Variants in RANBP3L observed in about 807,000 individuals in gnomAD.
RANBP3L encodes the protein ran-binding protein 3-like.
In RANBP3L, 56 loss-of-function variants were observed where a neutral mutation model predicts 67.2. That is an observed-to-expected ratio of 0.83 (90% CI 0.67 to 1.04). The LOEUF (loss-of-function observed/expected upper bound fraction) is 1.04. RANBP3L is among the 50% of genes least tolerant of loss of function. The pLI is 0.00. For synonymous variants in RANBP3L, 164 were observed against 181.4 expected, an observed-to-expected ratio of 0.90 and a Z score of 0.77; for missense variants, 496 against 535.5, an observed-to-expected ratio of 0.93 and a Z score of 0.73.
At chr5:36,276,591 T>C (rs987455997) in intron 1 of RANBP3L, among the ~76,000 whole-genome samples, 4 of 136,836 alleles carry the variant, frequency 2.9e-5, no homozygotes, top group African/African-American at 1.0e-4. Context: ...TACAATAAAC[T>C]TTTTTTTTCT....
intron 11 of RANBP3L, among the ~76,000 whole-genome samples, chr5:36,255,138 C>T (rs1017978501): frequency 6.6e-6 from 1 of 152,104 alleles, no homozygotes; most frequent in Admixed American, 6.6e-5. Flanking sequence ...AAGTGCTTTA[C>T]ATGCTTTATC....
chr5:36,292,083 G>C (rs556947059), intron 1 of RANBP3L, among the ~76,000 whole-genome samples: 1 of 148,206 alleles, frequency 6.7e-6, no homozygotes, highest in East Asian at 2.0e-4. Flanking sequence ...ACTTTTGAAT[G>C]ATTGCCATTC....
intron 1 of RANBP3L, among the ~76,000 whole-genome samples, chr5:36,277,906 A>G (rs1400052707): frequency 6.6e-6 from 1 of 152,172 alleles, no homozygotes; most frequent in Non-Finnish European, 1.5e-5. Flanking sequence ...CTCATCTTAC[A>G]TGCAGGCAGA....
intron 1 of RANBP3L, among the ~76,000 whole-genome samples, chr5:36,276,134 A>G (rs772354062): frequency 2.6e-5 from 4 of 152,206 alleles, no homozygotes; most frequent in Admixed American, 6.5e-5. Flanking sequence ...AAATAAAGGT[A>G]TAAGTAAGAT....
At position 36,249,606 on chromosome 5, in the gene RANBP3L, T is replaced by A. The variant is rs555273542; in HGVS notation, c.*48A>T. ...AGTTAGGGTGGTTTAGTATTTTCAGTAGGGTGACCCCTCTTTTTGTAGATG... is the reference window on the plus strand; with the variant it reads ...AGTTAGGGTGGTTTAGTATTTTCAGAAGGGTGACCCCTCTTTTTGTAGATG... On this transcript the variant is annotated 3_prime_UTR_variant, in exon 14 of 14. Coordinates refer to ENST00000296604, the MANE Select transcript of RANBP3L (RefSeq NM_145000.5). 9 of 1,023,532 alleles carry A rather than the reference T, an allele frequency of 8.8e-6. No individual in the cohort carries two copies. In the East Asian group the frequency reaches 2.3e-4, roughly 27 times the overall value. 63.4% of individuals were successfully genotyped at this position (1,023,532 alleles called of 1,614,324 possible).
chr5:36,280,689 G>T (rs73081952), intron 1 of RANBP3L, among the ~76,000 whole-genome samples: 2 of 152,102 alleles, frequency 1.3e-5, no homozygotes, highest in Admixed American at 1.3e-4. Flanking sequence ...TTTATTTGGG[G>T]GTGATCAGGG....
At position 36,293,934 on chromosome 5, in the gene RANBP3L, T is replaced by C. The variant is rs181017938; in HGVS notation, c.91+7392A>G. Among the ~76,000 whole-genome samples, 1,842 of 151,108 alleles carry C rather than the reference T, an allele frequency of 0.012. 158 individuals carry two copies. In the East Asian group the frequency reaches 0.23, roughly 18 times the overall value. On this transcript the variant is annotated intron_variant, in intron 1 of 13. Coordinates refer to ENST00000296604, the MANE Select transcript of RANBP3L (RefSeq NM_145000.5). ...GCCTCATAGAATGAGTTATGGAGGA[T>C]TCCCTCTTTTTCTATTGATTGGAAT...
intron 1 of RANBP3L, among the ~76,000 whole-genome samples, chr5:36,279,165 T>G (rs957841181): frequency 3.9e-5 from 6 of 152,132 alleles, no homozygotes; most frequent in Non-Finnish European, 8.8e-5. Context: ...CGATCTTGAT[T>G]TTTTAAAAAA....
At chr5:36,281,521 G>A (rs955106387) in intron 1 of RANBP3L, among the ~76,000 whole-genome samples, 2 of 152,064 alleles carry the variant, frequency 1.3e-5, no homozygotes, top group African/African-American at 4.8e-5. Flanking sequence ...TGAGTTAAAC[G>A]ACTATTTTAC....
intron 12 of RANBP3L, among the ~76,000 whole-genome samples, chr5:36,252,702 A>G (rs971855981): frequency 6.6e-5 from 10 of 152,082 alleles, no homozygotes; most frequent in African/African-American, 2.4e-5. Flanking sequence ...AGTCTCTGGC[A>G]TGCTACTTTA....
At chr5:36,257,429 G>A in intron 9 of RANBP3L, 25 bp downstream of exon 9, 1 of 1,147,818 alleles carries the variant, frequency 8.7e-7, no homozygotes, top group Non-Finnish European at 1.3e-6. Context: ...TGAATCTAAT[G>A]TTTTACAAAT....
At chr5:36,279,659 G>C (rs557701248) in intron 1 of RANBP3L, among the ~76,000 whole-genome samples, 1 of 152,218 alleles carries the variant, frequency 6.6e-6, no homozygotes, top group African/African-American at 2.4e-5. Flanking sequence ...AACCAATTTT[G>C]TGTTCAGATC....
At chr5:36,292,122 G>A (rs1329516192) in intron 1 of RANBP3L, among the ~76,000 whole-genome samples, 1 of 151,526 alleles carries the variant, frequency 6.6e-6, no homozygotes, top group Non-Finnish European at 1.5e-5. Flanking sequence ...ATCTCATTGT[G>A]GTTTTGATTT....
At chr5:36,282,278 C>A (rs781163214) in intron 1 of RANBP3L, among the ~76,000 whole-genome samples, 1 of 152,078 alleles carries the variant, frequency 6.6e-6, no homozygotes, top group Non-Finnish European at 1.5e-5. Flanking sequence ...CAGGCACATA[C>A]GCAAGTCTAA....
intron 8 of RANBP3L, among the ~76,000 whole-genome samples, chr5:36,259,082 G>C (rs1419849719): frequency 6.6e-6 from 1 of 152,212 alleles, no homozygotes; most frequent in Non-Finnish European, 1.5e-5. Context: ...CTAATCTGGT[G>C]TCAAACTTAG....
chr5:36,266,243 T>A (rs937420018), intron 4 of RANBP3L, among the ~76,000 whole-genome samples: 13 of 152,170 alleles, frequency 8.5e-5, no homozygotes, highest in Admixed American at 8.5e-4. Context: ...TTAATGAGTA[T>A]ACCTGAAGAA....
At chr5:36,263,610 G>A (rs968950455) in intron 6 of RANBP3L, among the ~76,000 whole-genome samples, 2 of 151,954 alleles carry the variant, frequency 1.3e-5, no homozygotes, top group African/African-American at 4.8e-5. Context: ...TCTGTCACCA[G>A]GCTGGTACCA....
chr5:36,258,533 A>G (rs891622855), intron 8 of RANBP3L, among the ~76,000 whole-genome samples: 2 of 152,306 alleles, frequency 1.3e-5, no homozygotes, highest in South Asian at 2.1e-4. Context: ...ACAAGGCCAA[A>G]AATTTACAGG....
rs1360460862 is a variant in RANBP3L at position 36,269,535 on chromosome 5, G to A, written c.191-68C>T. 4 of 926,886 alleles carry A rather than the reference G, an allele frequency of 4.3e-6. No homozygotes were observed. In the East Asian group the frequency reaches 9.5e-5, roughly 22 times the overall value. 57.4% of individuals were successfully genotyped at this position (926,886 alleles called of 1,614,324 possible). ...TAAATTATCCTCAACTCATGATAGG[G>A]TAGGATAAACAGAATTTTCTTTTGT... On this transcript the variant is annotated intron_variant, in intron 3 of 13. Coordinates refer to ENST00000296604, the MANE Select transcript of RANBP3L (RefSeq NM_145000.5).
Sources: allele counts gnomAD v4.1 joint callset (sites outside exome capture counted in the v4.1 genomes callset), GRCh38; gene constraint gnomAD v4.1.1; transcripts MANE v1.5; gene names NCBI Gene and HGNC (gene_info 2026-07-23, HGNC 2026-07-21).